The following COL21A1 variants were observed in gnomAD, a reference collection of about 807,000 sequenced individuals.
COL21A1 encodes collagen alpha-1(XXI) chain.
A neutral mutation model predicts 137.9 loss-of-function variants in COL21A1; 149 were observed. That is an observed-to-expected ratio of 1.08 (90% CI 0.95 to 1.24). The LOEUF (loss-of-function observed/expected upper bound fraction) is 1.24. COL21A1 is among the 50% of genes most tolerant of loss of function. The pLI, the probability that COL21A1 is intolerant of heterozygous loss-of-function variation, is 0.00. For missense variants in COL21A1, 1,167 were observed against 1,158.4 expected (o/e 1.01, Z -0.11); for synonymous variants, 456 against 391.5 (o/e 1.16, Z -1.95).
rs558939232 is a variant in COL21A1 at position 56,362,689 on chromosome 6, C to A, written c.-39+31282G>T. On this transcript the variant is annotated intron_variant, in intron 1 of 28. Transcript: ENST00000370819. ...CCACACGGGCACAACCCCTCTCATT[C>A]CTGAATTCCTGCCAGCATTTATACA... 4.8e-4 allele frequency among the ~76,000 whole-genome samples: 73 copies of A among 152,156 alleles called. 1 individual carries two copies. In the South Asian group the frequency reaches 0.015, roughly 30 times the overall value.
intron 1 of COL21A1, among the ~76,000 whole-genome samples, chr6:56,372,658 G>A (rs766939208): frequency 1.6e-4 from 24 of 152,118 alleles, no homozygotes; most frequent in Non-Finnish European, 2.5e-4. Flanking sequence ...GGAGTGGGGG[G>A]AAAAAAGCTT....
chr6:56,061,104 G>A, intron 25 of COL21A1, 67 bp from the exon 26 acceptor site: 1 of 1,355,008 alleles, frequency 7.4e-7, no homozygotes. Flanking sequence ...GCATCATGAA[G>A]CTCGTTAAGG....
At chr6:56,240,064 C>G (rs543507256) in intron 1 of COL21A1, among the ~76,000 whole-genome samples, 9 of 151,980 alleles carry the variant, frequency 5.9e-5, no homozygotes, top group Non-Finnish European at 8.8e-5. Context: ...GCTTGGCTCT[C>G]ATTTTCTCTG....
intron 1 of COL21A1, among the ~76,000 whole-genome samples, chr6:56,204,585 G>A (rs1482440906): frequency 6.6e-6 from 1 of 152,174 alleles, no homozygotes; most frequent in Non-Finnish European, 1.5e-5. Context: ...CTACTTGACA[G>A]CTCTGAAGAC....
chr6:56,057,586 G>GT lies in COL21A1; in HGVS notation c.*70dup. The GT allele has an allele frequency of 6.9e-7, 1 of 1,439,312 alleles. No individual in the cohort carries two copies. Among genetic ancestry groups the GT allele is most frequent in the Non-Finnish European group, 9.7e-7 (1 of 1,031,718 alleles). The allele number at this position is 1,439,312 out of a possible 1,614,324, so 89.2% of individuals were successfully genotyped here. The stretch of plus-strand genomic sequence containing the variant: ...GTTTCTTTTCAAGGGATTACTGTTG[G>GT]TTATCTTCCTGAGATGCAAAAGACC... On this transcript the variant is annotated 3_prime_UTR_variant, in exon 30 of 30. Transcript: ENST00000244728.
chr6:56,219,710 TATC>T (rs1780711719), intron 1 of COL21A1, among the ~76,000 whole-genome samples: 1 of 152,184 alleles, frequency 6.6e-6, no homozygotes, highest in Admixed American at 6.6e-5. Context: ...TCATTCGTGA[TATC>T]ATCAGGATAC....
chr6:56,164,478 G>T lies in COL21A1; in HGVS notation c.1316C>A (p.Ser439Ter). Reference protein sequence around the residue: ...ECLNGPSDVGSTPAPCICPPG... With the variant: ...ECLNGPSDVG ...AGGACAAATACAGGGAGCTGGAGTT[G>T]AACCTACATCACTGGGACCATTAAG... Residue 439 changes from serine (S) to a stop codon, truncating the protein, a stop_gained, in exon 9 of 30, where the codon TCA (serine) becomes TAA (stop). Coordinates refer to ENST00000244728, the MANE Select transcript of COL21A1 (RefSeq NM_030820.4). LOFTEE classifies it high-confidence loss of function. 6.3e-7 allele frequency: 1 copy of T among 1,589,034 alleles called. No homozygotes were observed. The highest frequency in any genetic ancestry group is 1.2e-5 in the South Asian group (1 of 86,932).
intron 1 of COL21A1, among the ~76,000 whole-genome samples, chr6:56,337,001 TG>T (rs1489169836): frequency 6.6e-6 from 1 of 152,216 alleles, no homozygotes; most frequent in African/African-American, 2.4e-5. Flanking sequence ...AATCTTCCCC[TG>T]CCACCCTTAA....
At chr6:56,230,267 T>A (rs564588344) in intron 1 of COL21A1, among the ~76,000 whole-genome samples, 1 of 151,942 alleles carries the variant, frequency 6.6e-6, no homozygotes, top group African/African-American at 2.4e-5. Context: ...GGGAATCTTG[T>A]ATCAATCTCA....
intron 1 of COL21A1, among the ~76,000 whole-genome samples, chr6:56,271,147 T>C (rs1763516613): frequency 6.6e-6 from 1 of 152,204 alleles, no homozygotes; most frequent in Non-Finnish European, 1.5e-5. Context: ...TTGAATGGTT[T>C]TGACCAAAAT....
chr6:56,148,677 T>C (rs1775041078), intron 10 of COL21A1, among the ~76,000 whole-genome samples: 1 of 152,042 alleles, frequency 6.6e-6, no homozygotes, highest in Non-Finnish European at 1.5e-5. Context: ...TAAATAAGCT[T>C]ATCTCATAGG....
intron 1 of COL21A1, among the ~76,000 whole-genome samples, chr6:56,305,544 T>G (rs867485581): frequency 9.8e-5 from 15 of 152,308 alleles, no homozygotes; most frequent in Middle Eastern, 6.8e-3. Context: ...TATCAGAGAC[T>G]AGGATTGCAA....
chr6:56,323,550 C>T (rs1056239166), intron 1 of COL21A1, among the ~76,000 whole-genome samples: 1 of 151,942 alleles, frequency 6.6e-6, no homozygotes, highest in Admixed American at 6.6e-5. Context: ...CCACTGTGCC[C>T]AGATAATTTT....
intron 1 of COL21A1, among the ~76,000 whole-genome samples, chr6:56,265,296 A>G (rs951747737): frequency 2.6e-5 from 4 of 152,234 alleles, no homozygotes; most frequent in African/African-American, 9.6e-5. Context: ...GGAGTGGAAC[A>G]GGCAATGGAA....
rs551798254 is a variant in COL21A1, at chr6:56,166,391, C to G, written c.1278+515G>C. Among the ~76,000 whole-genome samples the G allele has an allele frequency of 1.3e-4, 20 of 152,220 alleles. No homozygotes were observed. The South Asian group carries it at 4.2e-3, about 32-fold the overall frequency. ...TACTGACAGGGCGTGGTGGCTCACGCTTGTAATCCCAGCACTTTAGAGGGC... is the reference window on the plus strand; with the variant it reads ...TACTGACAGGGCGTGGTGGCTCACGGTTGTAATCCCAGCACTTTAGAGGGC... On this transcript the variant is annotated intron_variant, in intron 7 of 29. Transcript: ENST00000244728.
chr6:56,367,344 G>T (rs907230436), intron 1 of COL21A1, among the ~76,000 whole-genome samples: 2 of 152,138 alleles, frequency 1.3e-5, no homozygotes, highest in African/African-American at 2.4e-5. Context: ...ACCAACTACA[G>T]TCAGTTTATT....
intron 29 of COL21A1, among the ~76,000 whole-genome samples, chr6:56,058,645 A>G (rs931302075): frequency 6.6e-6 from 1 of 152,114 alleles, no homozygotes; most frequent in African/African-American, 2.4e-5. Context: ...AATAACATCT[A>G]ATCATAGCAT....
chr6:56,065,303 A>ATT (rs1205777874), intron 23 of COL21A1, among the ~76,000 whole-genome samples: 2 of 152,034 alleles, frequency 1.3e-5, no homozygotes, highest in Non-Finnish European at 2.9e-5. Flanking sequence ...AGTGACTACA[A>ATT]TTTTACATCA....
intron 1 of COL21A1, among the ~76,000 whole-genome samples, chr6:56,230,646 C>T (rs141988525): frequency 1.3e-5 from 2 of 151,806 alleles, no homozygotes; most frequent in Admixed American, 1.3e-4. Flanking sequence ...GGGAAGAAAT[C>T]ACACTTCAAA....
Sources: gnomAD v4.1 joint callset for allele counts (sites outside exome capture counted in the v4.1 genomes callset) on GRCh38, gnomAD v4.1.1 for gene constraint, MANE v1.5 for transcripts, NCBI Gene and HGNC (gene_info 2026-07-23, HGNC 2026-07-21) for gene names.